The following CPNE8 variants were observed in gnomAD, a reference collection of about 807,000 sequenced individuals.
CPNE8 encodes the protein copine-8.
In CPNE8, 45 loss-of-function variants were observed where a neutral mutation model predicts 81.5. That is an observed-to-expected ratio of 0.55 (90% confidence interval 0.44 to 0.71). The LOEUF (loss-of-function observed/expected upper bound fraction) is 0.71. Ranked by LOEUF, CPNE8 falls within the 30% of genes least tolerant of loss-of-function variation. CPNE8 has a pLI of 0.00. For missense variants in CPNE8, 594 were observed against 672.1 expected, an observed-to-expected ratio of 0.88 and a Z score of 1.28; for synonymous variants, 252 against 226.3, an observed-to-expected ratio of 1.11 and a Z score of -1.02.
rs1280230606 is a variant in CPNE8 at position 38,670,819 on chromosome 12, G to A, written c.1433-17C>T. The A allele has an allele frequency of 5.7e-6, 9 of 1,580,434 alleles. No individual in the cohort carries two copies. The highest frequency in any genetic ancestry group is 7.8e-6 in the Non-Finnish European group (9 of 1,153,590). The stretch of plus-strand genomic sequence containing the variant: ...CGACCATTGCTTTAAGAGAAAATAT[G>A]ATCATTTATTCAGTACATTTTAGCC... On this transcript the variant is annotated splice_polypyrimidine_tract_variant and intron_variant, in intron 18 of 19. Transcript: ENST00000331366.
intron 14 of CPNE8, among the ~76,000 whole-genome samples, chr12:38,700,519 C>A (rs1939914465): frequency 6.6e-6 from 1 of 152,192 alleles, no homozygotes; most frequent in Admixed American, 6.5e-5. Context: ...GCCACTGAGC[C>A]TGGCCAGGAA....
At chr12:38,861,416 G>T (rs1024727836) in intron 3 of CPNE8, among the ~76,000 whole-genome samples, 2 of 151,734 alleles carry the variant, frequency 1.3e-5, no homozygotes, top group Non-Finnish European at 2.9e-5. Flanking sequence ...AAATCAGAAC[G>T]AATATTAAAA....
chr12:38,833,237 C>T (rs542236324), intron 5 of CPNE8, among the ~76,000 whole-genome samples: 2 of 150,868 alleles, frequency 1.3e-5, no homozygotes, highest in South Asian at 2.1e-4. Flanking sequence ...CCTGTAATCC[C>T]AACTACTTGG....
At chr12:38,664,628 G>A (rs1482735775) in intron 19 of CPNE8, among the ~76,000 whole-genome samples, 1 of 152,044 alleles carries the variant, frequency 6.6e-6, no homozygotes, top group Non-Finnish European at 1.5e-5. Flanking sequence ...TTTTTTAATT[G>A]AGGTAAACTG....
intron 5 of CPNE8, among the ~76,000 whole-genome samples, chr12:38,832,866 T>A (rs948790674): frequency 5.3e-5 from 8 of 152,148 alleles, no homozygotes; most frequent in African/African-American, 1.9e-4. Context: ...ATTTCTCACA[T>A]TTTAATATTA....
At chr12:38,765,161 T>C (rs1941662115) in intron 8 of CPNE8, among the ~76,000 whole-genome samples, 1 of 152,212 alleles carries the variant, frequency 6.6e-6, no homozygotes, top group African/African-American at 2.4e-5. Context: ...ATATCATATA[T>C]ATAGGAAAAC....
At chr12:38,746,806 T>A (rs143256904) in intron 10 of CPNE8, among the ~76,000 whole-genome samples, 89 of 152,306 alleles carry the variant, frequency 5.8e-4, no homozygotes, top group African/African-American at 2.1e-3. Context: ...TTGTTACTGC[T>A]CAATTTTAAA....
rs758600554 is a variant in CPNE8 at position 38,829,343 on chromosome 12, G to C, written c.407+36C>G. The C allele has an allele frequency of 2.2e-6, 3 of 1,383,950 alleles. No individual in the cohort carries two copies. The South Asian group carries it at 3.5e-5, about 16-fold the overall frequency. 85.7% of individuals were successfully genotyped at this position (1,383,950 alleles called of 1,614,324 possible). ...AACTGACAAAATAGAAACTGTTAAA[G>C]TTGGCATTTCATTGTCTGAATTAAA... On this transcript the variant is annotated intron_variant, in intron 6 of 19. Transcript: ENST00000331366.
At chr12:38,825,854 T>C (rs1943181309) in intron 6 of CPNE8, among the ~76,000 whole-genome samples, 1 of 152,220 alleles carries the variant, frequency 6.6e-6, no homozygotes, top group Admixed American at 6.5e-5. Context: ...CCTTAATTAA[T>C]AAAGCCAAAA....
chr12:38,895,712 T>A (rs114490369), intron 1 of CPNE8, among the ~76,000 whole-genome samples: 299 of 152,246 alleles, frequency 2.0e-3, no homozygotes, highest in African/African-American at 6.7e-3. Context: ...AGAGTAGTGT[T>A]GATATGATCT....
intron 5 of CPNE8, among the ~76,000 whole-genome samples, chr12:38,835,622 G>A (rs1295758361): frequency 2.0e-5 from 3 of 152,122 alleles, no homozygotes; most frequent in African/African-American, 7.2e-5. Flanking sequence ...TTAGAATTTA[G>A]TTCATCTATA....
At chr12:38,869,443 C>G (rs1943959763) in intron 3 of CPNE8, among the ~76,000 whole-genome samples, 1 of 152,112 alleles carries the variant, frequency 6.6e-6, no homozygotes, top group South Asian at 2.1e-4. Flanking sequence ...AATGAGGAAA[C>G]AGAGTCACTG....
At chr12:38,654,151 A>C (rs1938766807) in intron 19 of CPNE8, 81 bp from the exon 20 acceptor site, 3 of 1,437,738 alleles carry the variant, frequency 2.1e-6, no homozygotes, top group East Asian at 5.2e-5. Flanking sequence ...ACATGTACAC[A>C]TTTGGTCATA....
intron 10 of CPNE8, among the ~76,000 whole-genome samples, chr12:38,747,004 C>A (rs1555152265): frequency 6.6e-6 from 1 of 152,116 alleles, no homozygotes; most frequent in Non-Finnish European, 1.5e-5. Context: ...TGCAGGCCAC[C>A]TCAGATCAGG....
intron 19 of CPNE8, among the ~76,000 whole-genome samples, chr12:38,661,952 C>T (rs559106294): frequency 6.7e-6 from 1 of 148,594 alleles, no homozygotes; most frequent in Admixed American, 6.7e-5. Context: ...TGATAAAATA[C>T]AACATCCCTT....
chr12:38,750,380 T>C (rs191579228), intron 10 of CPNE8, among the ~76,000 whole-genome samples: 79 of 152,176 alleles, frequency 5.2e-4, no homozygotes, highest in Admixed American at 1.2e-3. Context: ...GACCCCAGAA[T>C]GGTAGATCTG....
upstream of CPNE8, chr12:38,905,605 C>T (rs896533158): frequency 1.3e-6 from 2 of 1,528,260 alleles, no homozygotes; most frequent in Non-Finnish European, 8.8e-7. Flanking sequence ...GGCTAGCTCC[C>T]GTCAGGCGGG....
intron 6 of CPNE8, among the ~76,000 whole-genome samples, chr12:38,782,547 C>T (rs1272734794): frequency 2.6e-5 from 4 of 152,034 alleles, no homozygotes; most frequent in Non-Finnish European, 4.4e-5. Flanking sequence ...AACTTACTCT[C>T]AAATGACTCA....
At chr12:38,744,419 ACCTCTATTC>A (rs1209524475) in intron 10 of CPNE8, among the ~76,000 whole-genome samples, 1 of 152,102 alleles carries the variant, frequency 6.6e-6, no homozygotes, top group Non-Finnish European at 1.5e-5. Context: ...CATTATATCG[ACCTCTATTC>A]CCCCAACTGA....
Sources: gnomAD v4.1 joint callset for allele counts (sites outside exome capture counted in the v4.1 genomes callset) on GRCh38, gnomAD v4.1.1 for gene constraint, MANE v1.5 for transcripts, NCBI Gene and HGNC (gene_info 2026-07-23, HGNC 2026-07-21) for gene names.